Variants in NHLRC2 observed in about 807,000 individuals in gnomAD.
NHLRC2 encodes the protein NHL repeat containing 2, also known as NHL repeat-containing protein 2.
A neutral mutation model predicts 68.1 loss-of-function variants in NHLRC2; 33 were observed. The ratio of observed to expected loss-of-function variants is 0.48; its 90% CI spans 0.37 to 0.65. The LOEUF (loss-of-function observed/expected upper bound fraction) is 0.65, where lower values mean the gene tolerates loss of function less well. Ranked by LOEUF, NHLRC2 falls within the 30% of genes least tolerant of loss-of-function variation. NHLRC2 has a pLI of 0.00. For missense variants in NHLRC2, 761 were observed against 853.8 expected (o/e 0.89, Z 1.35); for synonymous variants, 311 against 309.6 (o/e 1.00, Z -0.05).
At chr10:113,880,307 T>A (rs924875602) in intron 4 of NHLRC2, among the ~76,000 whole-genome samples, 2 of 152,028 alleles carry the variant, frequency 1.3e-5, no homozygotes, top group African/African-American at 4.8e-5. Flanking sequence ...GAGAATTTTT[T>A]AAACAAATGT....
intron 1 of NHLRC2, among the ~76,000 whole-genome samples, chr10:113,857,935 T>C (rs1443214378): frequency 6.6e-6 from 1 of 152,134 alleles, no homozygotes; most frequent in Non-Finnish European, 1.5e-5. Flanking sequence ...TTCACTCCTT[T>C]TTGATGTTTA....
chr10:113,856,839 C>A (rs1845764206), intron 1 of NHLRC2, among the ~76,000 whole-genome samples: 1 of 152,090 alleles, frequency 6.6e-6, no homozygotes, highest in Non-Finnish European at 1.5e-5. Flanking sequence ...ATAAACATAA[C>A]TTTATTTGAA....
Position 113,908,272 on chromosome 10 carries a change from A to G in NHLRC2, c.1925-8A>G. On this transcript the variant is annotated splice_region_variant and splice_polypyrimidine_tract_variant and intron_variant, in intron 10 of 10. Transcript: ENST00000369301. Reference sequence around the variant, plus strand: ...TACAGTCTTAATAATTTCATTTTTGATTTTTAGGCAATGAATGGCTACTTC... The same window carrying G: ...TACAGTCTTAATAATTTCATTTTTGGTTTTTAGGCAATGAATGGCTACTTC... 1 of 1,610,292 alleles carries G rather than the reference A, an allele frequency of 6.2e-7. No homozygotes were observed. The highest frequency in any genetic ancestry group is 8.5e-7 in the Non-Finnish European group (1 of 1,176,846).
rs1845985706 is a variant in NHLRC2 at position 113,876,782 on chromosome 10, A to G, written c.593A>G (p.Tyr198Cys). 1.2e-6 allele frequency: 2 copies of G among 1,611,144 alleles called. No individual in the cohort carries two copies. Among genetic ancestry groups the G allele is most frequent in the Non-Finnish European group, 1.7e-6 (2 of 1,177,544 alleles). The change falls in exon 3 of 11, where the codon TAC (tyrosine) becomes TGC (cysteine). Residue 198 changes from tyrosine to cysteine, a missense_variant. Coordinates refer to ENST00000369301, the MANE Select transcript of NHLRC2 (RefSeq NM_198514.4). ...FLYTSIALKYYKDRGQIRDNK... is the reference protein window; with the variant it reads ...FLYTSIALKYCKDRGQIRDNK... ...TATACTTCAATTGCTTTAAAGTATT[A>G]CAAAGACAGGGGGCAGATCAGAGAT...
Position 113,854,868 on chromosome 10 carries a change from G to A in NHLRC2, c.-5G>A. ...CGGCGGCCGCATCGGGAGCCCGGCGGAAACATGGCGGCGCCCGGAGGCCGG... is the reference window on the plus strand; with the variant it reads ...CGGCGGCCGCATCGGGAGCCCGGCGAAAACATGGCGGCGCCCGGAGGCCGG... On this transcript the variant is annotated 5_prime_UTR_variant, in exon 1 of 11. Transcript: ENST00000369301. 6.5e-7 allele frequency: 1 copy of A among 1,539,540 alleles called. No individual in the cohort carries two copies. The highest frequency in any genetic ancestry group is 8.8e-7 in the Non-Finnish European group (1 of 1,142,810).
chr10:113,878,742 T>C (rs1846008332), intron 3 of NHLRC2, among the ~76,000 whole-genome samples: 1 of 152,180 alleles, frequency 6.6e-6, no homozygotes, highest in Non-Finnish European at 1.5e-5. Flanking sequence ...TTGGCTAGGC[T>C]GGTCTTGAAC....
In NHLRC2 at chr10:113,879,812, G is replaced by C. The variant is rs561709677; in HGVS notation, c.909+117G>C. 5 of 635,124 alleles carry C rather than the reference G, an allele frequency of 7.9e-6. No homozygotes were observed. The East Asian group carries it at 1.7e-4, about 21-fold the overall frequency. 39.3% of individuals were successfully genotyped at this position (635,124 alleles called of 1,614,324 possible). A position where few individuals can be genotyped will look rare whatever the true frequency, so the allele number is the denominator to read the frequency against. ...TTATGTATGTCAATGTCCTTGTTCT[G>C]CTTTTCTTGAGGTACGTACTTTAGT... On this transcript the variant is annotated intron_variant, in intron 4 of 10. Coordinates refer to ENST00000369301, the MANE Select transcript of NHLRC2 (RefSeq NM_198514.4).
At chr10:113,905,099 TTTTA>T (rs1846264971) in intron 10 of NHLRC2, 63 bp downstream of exon 10, 4 of 891,778 alleles carry the variant, frequency 4.5e-6, no homozygotes, top group Admixed American at 5.5e-5. Flanking sequence ...TCTAGTTATT[TTTTA>T]TTTGTTAGGT....
chr10:113,865,875 A>G (rs553041488), intron 2 of NHLRC2, among the ~76,000 whole-genome samples: 1 of 152,334 alleles, frequency 6.6e-6, no homozygotes, highest in Admixed American at 6.5e-5. Flanking sequence ...TCACTAAGTC[A>G]CTAAATTGAA....
Position 113,901,746 on chromosome 10 carries a change from C to T in NHLRC2, c.1220C>T (p.Ala407Val). The change falls in exon 7 of 11, where the codon GCA becomes GTA. Residue 407 changes from alanine to valine, a missense_variant. Coordinates refer to ENST00000369301, the MANE Select transcript of NHLRC2 (RefSeq NM_198514.4). The part of the protein sequence containing the change: ...ENRNNAYPHK[A>V]GFAQPSGLSL... ...CGAAACAATGCCTATCCTCACAAGG[C>T]AGGTTTTGCCCAACCTTCAGGCCTT... is the stretch of plus-strand genomic sequence containing the variant. The T allele has an allele frequency of 6.2e-7, 1 of 1,614,160 alleles. No homozygotes were observed. Among genetic ancestry groups the T allele is most frequent in the Non-Finnish European group, 8.5e-7 (1 of 1,179,978 alleles).
intron 5 of NHLRC2, among the ~76,000 whole-genome samples, chr10:113,888,415 C>T (rs1846102002): frequency 6.6e-6 from 1 of 151,952 alleles, no homozygotes; most frequent in Admixed American, 6.6e-5. Flanking sequence ...TGACATTGTA[C>T]CCCACGAATG....
intron 5 of NHLRC2, among the ~76,000 whole-genome samples, chr10:113,889,029 G>A (rs944259496): frequency 6.6e-6 from 1 of 152,016 alleles, no homozygotes; most frequent in Non-Finnish European, 1.5e-5. Flanking sequence ...GTTTCACCAT[G>A]TTGGCCAGGC....
intron 9 of NHLRC2, among the ~76,000 whole-genome samples, chr10:113,904,500 A>G (rs144560502): frequency 2.6e-5 from 4 of 152,222 alleles, no homozygotes; most frequent in Non-Finnish European, 4.4e-5. Context: ...AATGAAAATT[A>G]TAAGAAAATG....
intron 4 of NHLRC2, 97 bp from the exon 5 acceptor site, chr10:113,884,154 T>C: frequency 8.9e-7 from 1 of 1,124,794 alleles, no homozygotes; most frequent in Admixed American, 2.1e-5. Context: ...GCACATACAC[T>C]CTAAATGTTC....
Position 113,912,788 on chromosome 10 carries a change from G to A in NHLRC2, c.*4252G>A, listed in dbSNP as rs760892256. On this transcript the variant is annotated 3_prime_UTR_variant, in exon 11 of 11. Coordinates refer to ENST00000369301, the MANE Select transcript of NHLRC2 (RefSeq NM_198514.4). The stretch of plus-strand genomic sequence containing the variant: ...ATCTGAAGAATAGAAAACCGGAATA[G>A]TGCTCGATGCCTGAAGTGGTGCCTG... 1.3e-5 allele frequency: 2 copies of A among 152,184 alleles called. No individual in the cohort carries two copies. The highest frequency in any genetic ancestry group is 6.5e-5 in the Admixed American group (1 of 15,280). The allele number at this position is 152,184 out of a possible 1,614,324, so 9.4% of individuals were successfully genotyped here.
chr10:113,891,398 G>A (rs1273171119), intron 5 of NHLRC2, among the ~76,000 whole-genome samples: 1 of 152,114 alleles, frequency 6.6e-6, no homozygotes, highest in Admixed American at 6.5e-5. Flanking sequence ...GCTTTTATGT[G>A]TGTCTTCTCA....
rs1216706353 is a variant in NHLRC2, at chr10:113,911,130, A to G, written c.*2594A>G. 6.6e-6 allele frequency: 1 copy of G among 152,172 alleles called. No homozygotes were observed. Among genetic ancestry groups the G allele is most frequent in the East Asian group, 1.9e-4 (1 of 5,196 alleles). 9.4% of individuals were successfully genotyped at this position (152,172 alleles called of 1,614,324 possible). On this transcript the variant is annotated 3_prime_UTR_variant, in exon 11 of 11. Coordinates refer to ENST00000369301, the MANE Select transcript of NHLRC2 (RefSeq NM_198514.4). ...AAAGAACAAGATTTTAGTGTAAGTC[A>G]CCTCACTTGAAATGCCAGTAATGTG...
chr10:113,904,793 A>G (rs370708899), intron 9 of NHLRC2, 24 bp from the exon 10 acceptor site: 3 of 1,542,464 alleles, frequency 1.9e-6, no homozygotes, highest in Middle Eastern at 1.7e-4. Flanking sequence ...TTGTGTTTTA[A>G]TAACAGATTT....
intron 5 of NHLRC2, among the ~76,000 whole-genome samples, chr10:113,886,363 T>C (rs949745703): frequency 5.9e-5 from 9 of 152,130 alleles, no homozygotes; most frequent in Non-Finnish European, 1.3e-4. Flanking sequence ...GTGTTGTGAT[T>C]TTTCTTAGAA....
Sources: gnomAD v4.1 joint callset for allele counts (sites outside exome capture counted in the v4.1 genomes callset) on GRCh38, gnomAD v4.1.1 for gene constraint, MANE v1.5 for transcripts, NCBI Gene and HGNC (gene_info 2026-07-23, HGNC 2026-07-21) for gene names.